Variants in DAB1 observed in about 807,000 individuals in gnomAD.
The protein encoded by DAB1 is DAB adaptor protein 1.
Under a neutral mutation model 64.6 loss-of-function variants are expected in DAB1, and 15 were observed. The observed-to-expected ratio is 0.23, with a 90% CI of 0.16 to 0.36. The LOEUF (loss-of-function observed/expected upper bound fraction) is 0.36. DAB1 is among the 10% of genes least tolerant of loss of function. The pLI is 1.00. For synonymous variants in DAB1, 235 were observed against 251.9 expected (o/e 0.93, Z 0.64); for missense variants, 596 against 706.7 (o/e 0.84, Z 1.78).
At chr1:57,480,579 G>A (rs1644004615) in intron 7 of DAB1, among the ~76,000 whole-genome samples, 1 of 151,756 alleles carries the variant, frequency 6.6e-6, no homozygotes, top group African/African-American at 2.4e-5. Context: ...CTGCCTCCCA[G>A]GTTCAAATGA....
intron 4 of DAB1, among the ~76,000 whole-genome samples, chr1:57,086,852 A>G (rs1434930957): frequency 1.3e-5 from 2 of 152,196 alleles, no homozygotes; most frequent in Non-Finnish European, 2.9e-5. Context: ...GGTGAAATTG[A>G]TGAGTGAGCA....
chr1:58,026,536 T>C lies in DAB1; in HGVS notation n.387+123975A>G, dbSNP rs534303245. 1.6e-4 allele frequency among the ~76,000 whole-genome samples: 24 copies of C among 152,354 alleles called. 1 individual carries two copies. In the South Asian group the frequency reaches 5.0e-3, roughly 32 times the overall value. The stretch of plus-strand genomic sequence containing the variant: ...ACTATTGAATAAGCTATACTTGTTA[T>C]TGGTGCTCCCTTATTATTTTATTAA... On this transcript the variant is annotated intron_variant and non_coding_transcript_variant, in intron 5 of 20. Coordinates refer to the DAB1 transcript ENST00000485760.
chr1:57,537,288 G>C (rs1011808172), intron 7 of DAB1, among the ~76,000 whole-genome samples: 1 of 152,166 alleles, frequency 6.6e-6, no homozygotes, highest in African/African-American at 2.4e-5. Flanking sequence ...TTTTCCAAAA[G>C]AGAGATTCCA....
At chr1:58,262,335 G>A (rs1337834759) in intron 4 of DAB1, among the ~76,000 whole-genome samples, 1 of 152,154 alleles carries the variant, frequency 6.6e-6, no homozygotes, top group East Asian at 1.9e-4. Context: ...GAAGGATTAA[G>A]CCTGATCCTC....
chr1:57,031,363 A>G (rs868310615), intron 9 of DAB1, among the ~76,000 whole-genome samples: 10 of 152,210 alleles, frequency 6.6e-5, no homozygotes, highest in Non-Finnish European at 1.2e-4. Context: ...ACCATGTTCC[A>G]TCTGATAATA....
chr1:57,198,687 A>ACC (rs1664846729), intron 2 of DAB1, among the ~76,000 whole-genome samples: 2 of 150,630 alleles, frequency 1.3e-5, no homozygotes, highest in African/African-American at 4.9e-5. Flanking sequence ...ACACACACAC[A>ACC]CACCCATCAA....
At chr1:57,042,171 C>G (rs1647871460) in intron 9 of DAB1, among the ~76,000 whole-genome samples, 1 of 152,098 alleles carries the variant, frequency 6.6e-6, no homozygotes, top group Admixed American at 6.5e-5. Context: ...TCGAATGAGG[C>G]AATATTCACA....
chr1:58,352,230 CT>C (rs1043759008), intron 3 of DAB1, among the ~76,000 whole-genome samples: 1 of 152,148 alleles, frequency 6.6e-6, no homozygotes, highest in African/African-American at 2.4e-5. Context: ...GATGCCTCCC[CT>C]GCCTCCTCTA....
chr1:58,334,145 T>C (rs1386760185), intron 4 of DAB1, among the ~76,000 whole-genome samples: 1 of 152,206 alleles, frequency 6.6e-6, no homozygotes, highest in Non-Finnish European at 1.5e-5. Flanking sequence ...CAATGGAATA[T>C]TGGAAATATT....
chr1:58,373,476 T>C (rs1405069249), intron 3 of DAB1, among the ~76,000 whole-genome samples: 1 of 151,412 alleles, frequency 6.6e-6, no homozygotes, highest in East Asian at 1.9e-4. Flanking sequence ...TCCAACTTCA[T>C]CCATGTCCCT....
intron 4 of DAB1, among the ~76,000 whole-genome samples, chr1:58,337,413 T>C (rs1663145951): frequency 6.6e-6 from 1 of 152,212 alleles, no homozygotes; most frequent in Non-Finnish European, 1.5e-5. Context: ...TTTATAAGCA[T>C]TTTTCTCTTT....
chr1:57,305,923 C>T (rs1301087522), intron 1 of DAB1, among the ~76,000 whole-genome samples: 4 of 144,534 alleles, frequency 2.8e-5, no homozygotes, highest in Non-Finnish European at 6.0e-5. Flanking sequence ...GAGCCGAGAT[C>T]GAGCCACTGC....
At chr1:57,430,377 AT>A (rs10659663) in intron 7 of DAB1, among the ~76,000 whole-genome samples, 430 of 141,842 alleles carry the variant, frequency 3.0e-3, no homozygotes, top group Non-Finnish European at 4.6e-3. Flanking sequence ...AGTTAATACA[AT>A]TTTTTTTTTT....
At chr1:58,147,983 G>GAAA (rs58099365) in intron 5 of DAB1, among the ~76,000 whole-genome samples, 22,341 of 113,114 alleles carry the variant, frequency 0.2, 2,151 homozygotes, top group East Asian at 0.34. Context: ...TATAGCTGGA[G>GAAA]AAAAAAAAAA....
rs531491766 is a variant in DAB1, at chr1:57,582,509, C to T, written n.625+67083G>A. Among the ~76,000 whole-genome samples the T allele has an allele frequency of 5.3e-5, 8 of 152,318 alleles. No individual in the cohort carries two copies. In the East Asian group the frequency reaches 1.5e-3, roughly 29 times the overall value. ...GCTAAACTAGATCACTTCCCAAAGA[C>T]ATTTCCAAACATCATCACACTGGGG... On this transcript the variant is annotated intron_variant and non_coding_transcript_variant, in intron 7 of 20. Coordinates refer to the DAB1 transcript ENST00000485760.
At chr1:57,137,301 A>G (rs962835553) in intron 3 of DAB1, among the ~76,000 whole-genome samples, 70 of 152,238 alleles carry the variant, frequency 4.6e-4, no homozygotes, top group African/African-American at 1.3e-3. Context: ...AGATATGTCT[A>G]TGAGTTAGTG....
chr1:58,370,014 T>C (rs1436298038), intron 3 of DAB1, among the ~76,000 whole-genome samples: 1 of 152,132 alleles, frequency 6.6e-6, no homozygotes, highest in African/African-American at 2.4e-5. Context: ...ACTAGTAAAA[T>C]TTTTTTTAAA....
At chr1:57,347,612 C>T (rs1392756709) in intron 1 of DAB1, among the ~76,000 whole-genome samples, 5 of 152,114 alleles carry the variant, frequency 3.3e-5, no homozygotes, top group African/African-American at 4.8e-5. Flanking sequence ...ATTTCAAGAT[C>T]TCATTGAAAA....
At chr1:57,884,960 G>A (rs905261172), upstream of DAB1, among the ~76,000 whole-genome samples, 1 of 152,192 alleles carries the variant, frequency 6.6e-6, no homozygotes, top group Non-Finnish European at 1.5e-5. Flanking sequence ...CCACCATGAA[G>A]GGAAGCAGTC....
Sources: gnomAD v4.1 joint callset for allele counts (sites outside exome capture counted in the v4.1 genomes callset) on GRCh38, gnomAD v4.1.1 for gene constraint, MANE v1.5 for transcripts, NCBI Gene and HGNC (gene_info 2026-07-23, HGNC 2026-07-21) for gene names.